Variants in CSMD1 observed in about 807,000 individuals in gnomAD.
CSMD1 encodes CUB and Sushi multiple domains 1, also known as CUB and sushi domain-containing protein 1.
Under a neutral mutation model 417.5 loss-of-function variants are expected in CSMD1, and 213 were observed. The observed-to-expected ratio is 0.51, with a 90% CI of 0.46 to 0.57. The LOEUF (loss-of-function observed/expected upper bound fraction) is 0.57, where lower values mean the gene tolerates loss of function less well. Among genes scored for constraint, CSMD1 ranks in the 20% least tolerant of loss-of-function variants. The pLI, the probability that CSMD1 is intolerant of heterozygous loss-of-function variation, is 0.00. For missense variants in CSMD1, 6,923 were observed against 4,529.7 expected, an observed-to-expected ratio of 1.53 and a Z score of -15.17; for synonymous variants, 2,862 against 1,736.8, an observed-to-expected ratio of 1.65 and a Z score of -16.11.
At chr8:4,563,211 C>A (rs970787931) in intron 2 of CSMD1, among the ~76,000 whole-genome samples, 8 of 152,070 alleles carry the variant, frequency 5.3e-5, no homozygotes, top group African/African-American at 1.2e-4. Context: ...ACCATCCTGG[C>A]TAACACGGTG....
intron 3 of CSMD1, among the ~76,000 whole-genome samples, chr8:4,200,014 T>C (rs1331187038): frequency 6.6e-6 from 1 of 152,202 alleles, no homozygotes; most frequent in Non-Finnish European, 1.5e-5. Context: ...CCTGGACTTG[T>C]TGAAAATTAT....
chr8:3,080,056 G>A (rs374187509), intron 49 of CSMD1, among the ~76,000 whole-genome samples: 11 of 152,168 alleles, frequency 7.2e-5, no homozygotes, highest in African/African-American at 2.4e-4. Context: ...TTTGTTGCCT[G>A]CAAAATGCTA....
chr8:4,375,266 C>A (rs962357718), intron 3 of CSMD1, among the ~76,000 whole-genome samples: 1 of 152,128 alleles, frequency 6.6e-6, no homozygotes, highest in Non-Finnish European at 1.5e-5. Context: ...TGTCCATAAA[C>A]AGACTTCAGG....
In CSMD1 at chr8:3,343,534, A is replaced by G. The variant is rs191588673; in HGVS notation, c.3475-84T>C. On this transcript the variant is annotated intron_variant, in intron 22 of 69. Coordinates refer to ENST00000635120, the MANE Select transcript of CSMD1 (RefSeq NM_033225.6). ...ATGGTAATAAACAATCCAAATCTTCAAAGATGCAGTTTTAAACAATACTTA... is the reference window on the plus strand; with the variant it reads ...ATGGTAATAAACAATCCAAATCTTCGAAGATGCAGTTTTAAACAATACTTA... The G allele has an allele frequency of 3.1e-5, 38 of 1,237,732 alleles. No homozygotes were observed. The East Asian group carries it at 8.6e-4, about 28-fold the overall frequency. 76.7% of individuals were successfully genotyped at this position (1,237,732 alleles called of 1,614,324 possible). A position where few individuals can be genotyped will look rare whatever the true frequency, so the allele number is the denominator to read the frequency against.
At chr8:4,645,861 T>G (rs541216892) in intron 1 of CSMD1, among the ~76,000 whole-genome samples, 1 of 152,150 alleles carries the variant, frequency 6.6e-6, no homozygotes, top group Non-Finnish European at 1.5e-5. Context: ...CACGCCTGCA[T>G]GTGCTCCTCC....
chr8:4,202,323 G>C (rs1316833963), intron 3 of CSMD1, among the ~76,000 whole-genome samples: 1 of 152,124 alleles, frequency 6.6e-6, no homozygotes, highest in Non-Finnish European at 1.5e-5. Context: ...CTTTTCAAGA[G>C]CTCACTTACA....
intron 25 of CSMD1, among the ~76,000 whole-genome samples, chr8:3,300,743 G>A (rs1443432085): frequency 6.6e-6 from 1 of 151,944 alleles, no homozygotes; most frequent in East Asian, 1.9e-4. Context: ...GATCATTGGA[G>A]GTCAGGAGTT....
At chr8:3,789,256 G>A (rs1323273938) in intron 5 of CSMD1, among the ~76,000 whole-genome samples, 2 of 151,958 alleles carry the variant, frequency 1.3e-5, no homozygotes, top group Non-Finnish European at 2.9e-5. Context: ...CTTGGTTTTG[G>A]ACTTCCCAGC....
At chr8:4,841,723 C>T (rs887863374) in intron 1 of CSMD1, among the ~76,000 whole-genome samples, 7 of 151,674 alleles carry the variant, frequency 4.6e-5, no homozygotes, top group African/African-American at 7.3e-5. Context: ...CAAGCCTGAC[C>T]AACATGGTGA....
intron 23 of CSMD1, among the ~76,000 whole-genome samples, chr8:3,329,690 G>T (rs535055223): frequency 6.6e-6 from 1 of 152,258 alleles, no homozygotes; most frequent in Admixed American, 6.5e-5. Flanking sequence ...GAGTTGCCCA[G>T]CCCCGGGGCC....
rs568033564 is a variant in CSMD1, at chr8:3,954,813, G to C, written c.818+43090C>G. The stretch of plus-strand genomic sequence containing the variant: ...GCACGCAGAGCCTCCTTGCCCCTCG[G>C]AAGCGAGCATGCGCAGTGTGGCAGG... On this transcript the variant is annotated intron_variant, in intron 5 of 69. Transcript: ENST00000635120. 3.3e-5 allele frequency among the ~76,000 whole-genome samples: 5 copies of C among 152,108 alleles called. No individual in the cohort carries two copies. The East Asian group carries it at 9.7e-4, about 29-fold the overall frequency.
rs988360775 is a variant in CSMD1, at chr8:3,188,966, G to T, written c.5444C>A (p.Ser1815Tyr). The change falls in exon 35 of 70, where the codon TCC becomes TAC. Residue 1815 changes from serine (S) to tyrosine (Y), a missense_variant. By Grantham distance (144) the Ser-to-Tyr change is moderately radical. Transcript: ENST00000635120. ...NFTQRRGTILSPGYPEPYGNN... is the reference protein window; with the variant it reads ...NFTQRRGTILYPGYPEPYGNN... ...TCCGTATGGCTCAGGGTAGCCGGGG[G>T]ACAGGATTGTACCTCTTCGTTGAGT... The T allele has an allele frequency of 6.2e-7, 1 of 1,613,316 alleles. No homozygotes were observed. The highest frequency in any genetic ancestry group is 8.5e-7 in the Non-Finnish European group (1 of 1,179,530).
At chr8:4,835,127 G>T (rs565343380) in intron 1 of CSMD1, among the ~76,000 whole-genome samples, 1 of 151,912 alleles carries the variant, frequency 6.6e-6, no homozygotes. Context: ...TATTAAGGCG[G>T]CAACTCTAGA....
At chr8:4,780,089 A>G (rs1479483283) in intron 1 of CSMD1, among the ~76,000 whole-genome samples, 3 of 152,156 alleles carry the variant, frequency 2.0e-5, no homozygotes, top group Non-Finnish European at 4.4e-5. Context: ...GTTGAATATG[A>G]TACACCCGCG....
intron 2 of CSMD1, among the ~76,000 whole-genome samples, chr8:4,620,685 G>C (rs895761101): frequency 5.9e-5 from 9 of 151,716 alleles, no homozygotes; most frequent in African/African-American, 9.7e-5. Context: ...AATCATAAGA[G>C]AAGTTAGAAA....
At chr8:3,115,194 T>TCCC (rs5888947) in intron 42 of CSMD1, among the ~76,000 whole-genome samples, 8 of 109,120 alleles carry the variant, frequency 7.3e-5, no homozygotes, top group Non-Finnish European at 1.6e-4. Context: ...ACAATTACAA[T>TCCC]CCCCCCCCCC....
chr8:3,967,010 G>A (rs778791369), intron 5 of CSMD1, among the ~76,000 whole-genome samples: 6 of 152,044 alleles, frequency 3.9e-5, no homozygotes, highest in Non-Finnish European at 7.4e-5. Flanking sequence ...AGTGTCAATT[G>A]GTGAAATAAT....
At chr8:3,138,321 G>C (rs560578880) in intron 41 of CSMD1, among the ~76,000 whole-genome samples, 1 of 152,316 alleles carries the variant, frequency 6.6e-6, no homozygotes, top group East Asian at 1.9e-4. Flanking sequence ...TACTCCTGTA[G>C]ATACTCAGGG....
intron 1 of CSMD1, among the ~76,000 whole-genome samples, chr8:4,814,147 T>A (rs1323331124): frequency 1.3e-5 from 2 of 152,234 alleles, no homozygotes; most frequent in Non-Finnish European, 2.9e-5. Flanking sequence ...TATAACGAAT[T>A]CCGTGAAAAC....
Sources: allele counts gnomAD v4.1 joint callset (sites outside exome capture counted in the v4.1 genomes callset), GRCh38; gene constraint gnomAD v4.1.1; transcripts MANE v1.5; gene names NCBI Gene and HGNC (gene_info 2026-07-23, HGNC 2026-07-21).